YWHAH: variants seen among roughly 807,000 people sequenced by gnomAD.
YWHAH encodes tyrosine 3-monooxygenase/tryptophan 5-monooxygenase activation protein eta.
YWHAH carries 6 observed loss-of-function variants against 22.9 expected under a neutral mutation model. The ratio of observed to expected loss-of-function variants is 0.26; its 90% CI spans 0.14 to 0.52. YWHAH has a LOEUF of 0.52. Among genes scored for constraint, YWHAH ranks in the 20% least tolerant of loss-of-function variants. YWHAH has a pLI of 0.97. For missense variants in YWHAH, 173 were observed against 308.6 expected (o/e 0.56, Z 3.29); for synonymous variants, 135 against 124.5 (o/e 1.08, Z -0.56).
At chr22:31,951,869 A>G (rs993276190) in intron 1 of YWHAH, among the ~76,000 whole-genome samples, 1 of 152,162 alleles carries the variant, frequency 6.6e-6, no homozygotes, top group Admixed American at 6.5e-5. Context: ...GCCTTTGTGC[A>G]TGGGAAGAGC....
chr22:31,946,680 G>C (rs1050442763), intron 1 of YWHAH, among the ~76,000 whole-genome samples: 3 of 152,194 alleles, frequency 2.0e-5, no homozygotes, highest in African/African-American at 7.2e-5. Flanking sequence ...TGAAATGGGG[G>C]AAAAAGGCAA....
At chr22:31,953,975 T>C (rs1443027151) in intron 1 of YWHAH, among the ~76,000 whole-genome samples, 2 of 152,196 alleles carry the variant, frequency 1.3e-5, no homozygotes, top group African/African-American at 4.8e-5. Flanking sequence ...TGTTTTACTT[T>C]GTGAGAACTT....
intron 1 of YWHAH, among the ~76,000 whole-genome samples, chr22:31,952,133 C>G (rs985463557): frequency 6.6e-6 from 1 of 152,182 alleles, no homozygotes. Flanking sequence ...CTGTAAAATT[C>G]TGTCTTGTTG....
intron 1 of YWHAH, among the ~76,000 whole-genome samples, chr22:31,948,419 C>T (rs559765080): frequency 4.0e-5 from 6 of 150,878 alleles, no homozygotes; most frequent in East Asian, 3.9e-4. Context: ...GAGATGGTCT[C>T]GTTCTGGAAC....
chr22:31,955,599 C>T (rs2858754), intron 1 of YWHAH, among the ~76,000 whole-genome samples: 1,582 of 152,146 alleles, frequency 0.01, 16 homozygotes, highest in Non-Finnish European at 0.015. Context: ...CGTGCCACCA[C>T]GCCCAGCTAA....
In YWHAH at chr22:31,955,530, A is replaced by C. The variant is rs146392715; in HGVS notation, c.88-609A>C. ...AGTGGCACGATCTGGGCTCACTGCA[A>C]CCTCCGGGTTCAAGAGTTTCTCTTG... On this transcript the variant is annotated intron_variant, in intron 1 of 1. Transcript: ENST00000248975. 2.9e-3 allele frequency among the ~76,000 whole-genome samples: 433 copies of C among 149,712 alleles called. 7 individuals are homozygous for C. The highest frequency in any genetic ancestry group is 0.025 in the East Asian group (128 of 5,062).
chr22:31,946,665 C>T (rs1295013074), intron 1 of YWHAH, among the ~76,000 whole-genome samples: 2 of 152,102 alleles, frequency 1.3e-5, no homozygotes, highest in African/African-American at 4.8e-5. Flanking sequence ...AAACCTGAGG[C>T]AACTTGAAAT....
At chr22:31,953,218 G>T (rs1407078279) in intron 1 of YWHAH, among the ~76,000 whole-genome samples, 1 of 152,198 alleles carries the variant, frequency 6.6e-6, no homozygotes, top group East Asian at 1.9e-4. Flanking sequence ...AATGGCCTTA[G>T]TTTAATTACT....
At position 31,956,649 on chromosome 22, in the gene YWHAH, G is replaced by A. The variant is rs1407505587; in HGVS notation, c.598G>A (p.Ala200Thr). ...GCAAGCCTGCCTCTTAGCCAAACAAGCCTTCGATGATGCCATAGCTGAGCT... is the reference window on the plus strand; with the variant it reads ...GCAAGCCTGCCTCTTAGCCAAACAAACCTTCGATGATGCCATAGCTGAGCT... Reference protein sequence around the residue: ...PEQACLLAKQAFDDAIAELDT... With the variant: ...PEQACLLAKQTFDDAIAELDT... The change falls in exon 2 of 2, where the codon GCC (alanine) becomes ACC (threonine). Residue 200 changes from alanine (A) to threonine (T), a missense_variant. Physicochemically the swap from Ala to Thr is moderately conservative, Grantham distance 58 (BLOSUM62 0). Coordinates refer to ENST00000248975, the MANE Select transcript of YWHAH (RefSeq NM_003405.4). This position sits in a 1 kb window ranked among gnomAD's most constrained non-coding sequence, Gnocchi z 5.1. The A allele has an allele frequency of 6.2e-7, 1 of 1,613,990 alleles. No homozygotes were observed. Among genetic ancestry groups the A allele is most frequent in the Non-Finnish European group, 8.5e-7 (1 of 1,180,046 alleles).
rs1175915432 is a variant in YWHAH, at chr22:31,944,679, G to C, written c.-55G>C. On this transcript the variant is annotated 5_prime_UTR_variant, in exon 1 of 2. Coordinates refer to ENST00000248975, the MANE Select transcript of YWHAH (RefSeq NM_003405.4). ...GACCGGGGAGCGGACTGACCGGCGGGAGGGCTAGCGAGCCAGCGGTGTGAG... is the reference window on the plus strand; with the variant it reads ...GACCGGGGAGCGGACTGACCGGCGGCAGGGCTAGCGAGCCAGCGGTGTGAG... The C allele has an allele frequency of 1.6e-6, 2 of 1,261,918 alleles. No homozygotes were observed. Among genetic ancestry groups the C allele is most frequent in the Non-Finnish European group, 2.0e-6 (2 of 991,230 alleles). 78.2% of individuals were successfully genotyped at this position (1,261,918 alleles called of 1,614,324 possible). A position where few individuals can be genotyped will look rare whatever the true frequency, so the allele number is the denominator to read the frequency against.
At position 31,956,894 on chromosome 22, in the gene YWHAH, A is replaced by G. The variant is rs2093850269; in HGVS notation, c.*102A>G. 7.3e-6 allele frequency: 10 copies of G among 1,374,844 alleles called. No homozygotes were observed. Among genetic ancestry groups the G allele is most frequent in the South Asian group, 4.5e-5 (3 of 66,838 alleles). 85.2% of individuals were successfully genotyped at this position (1,374,844 alleles called of 1,614,324 possible). On this transcript the variant is annotated 3_prime_UTR_variant, in exon 2 of 2. Transcript: ENST00000248975. The surrounding 1 kb of genome is among the most constrained non-coding windows in gnomAD (Gnocchi z 5.1). ...AATATCTAGTGCTAAACCTATCTGT[A>G]TTGGCAGCACAGCTACTCAGATCTG... is the stretch of plus-strand genomic sequence containing the variant.
intron 1 of YWHAH, among the ~76,000 whole-genome samples, chr22:31,947,004 GAAA>G (rs371341174): frequency 6.6e-6 from 1 of 151,836 alleles, no homozygotes; most frequent in Non-Finnish European, 1.5e-5. Flanking sequence ...TTCTTTAAAA[GAAA>G]AAAAAGAATA....
chr22:31,948,355 CAG>C (rs774559230), intron 1 of YWHAH, among the ~76,000 whole-genome samples: 112 of 151,560 alleles, frequency 7.4e-4, no homozygotes, highest in Non-Finnish European at 1.4e-3. Context: ...ATCAGTGTCA[CAG>C]AGAGTAGGAG....
intron 1 of YWHAH, among the ~76,000 whole-genome samples, chr22:31,955,737 C>T (rs937659517): frequency 1.3e-5 from 2 of 152,198 alleles, no homozygotes; most frequent in African/African-American, 4.8e-5. Context: ...CCATCGCGCC[C>T]GGCCTGTTCA....
chr22:31,946,053 G>T (rs752894890), intron 1 of YWHAH, among the ~76,000 whole-genome samples: 1 of 152,184 alleles, frequency 6.6e-6, no homozygotes, highest in African/African-American at 2.4e-5. Flanking sequence ...TGTAGTTGGG[G>T]CCAATATTTA....
chr22:31,945,787 T>C (rs1019660987), intron 1 of YWHAH: 1 of 925,940 alleles, frequency 1.1e-6, no homozygotes, highest in South Asian at 1.7e-5. Flanking sequence ...AGGATCCCCT[T>C]GAACTCCGCC....
intron 1 of YWHAH, among the ~76,000 whole-genome samples, chr22:31,955,439 C>CTTTTTTTTTTTTTTTTTTTT (rs60830862): frequency 2.4e-5 from 3 of 126,730 alleles, no homozygotes; most frequent in African/African-American, 2.9e-5. Flanking sequence ...TTCAGAGTAT[C>CTTTTTTTTTTTTTTTTTTTT]TTTTTTTTTT....
chr22:31,945,188 C>T (rs2093832059), intron 1 of YWHAH: 7 of 1,110,864 alleles, frequency 6.3e-6, no homozygotes, highest in African/African-American at 1.6e-5. Flanking sequence ...CCGGGGGCTC[C>T]CCCTCTCGTC....
rs780586701 is a variant in YWHAH at position 31,956,602 on chromosome 22, A to G, written c.551A>G (p.Tyr184Cys). Residue 184 changes from tyrosine to cysteine, a missense_variant, in exon 2 of 2, where the codon TAT becomes TGT. Physicochemically the swap from Tyr to Cys is radical, Grantham distance 194 (BLOSUM62 -2). Transcript: ENST00000248975. The surrounding 1 kb of genome is among the most constrained non-coding windows in gnomAD (Gnocchi z 5.1). ...GCCCTCAACTTCTCCGTGTTCTACTATGAGATCCAGAATGCACCTGAGCAA... is the reference window on the plus strand; with the variant it reads ...GCCCTCAACTTCTCCGTGTTCTACTGTGAGATCCAGAATGCACCTGAGCAA... ...GLALNFSVFY[Y>C]EIQNAPEQAC... 6 of 1,614,152 alleles carry G rather than the reference A, an allele frequency of 3.7e-6. No homozygotes were observed. The highest frequency in any genetic ancestry group is 1.3e-5 in the African/African-American group (1 of 75,038).
Sources: allele counts gnomAD v4.1 joint callset (sites outside exome capture counted in the v4.1 genomes callset), GRCh38; gene constraint gnomAD v4.1.1; non-coding constraint Gnocchi (gnomAD v3.1); transcripts MANE v1.5; gene names NCBI Gene and HGNC (gene_info 2026-07-23, HGNC 2026-07-21).